METTL21A: variants seen among roughly 807,000 people sequenced by gnomAD.
The protein encoded by METTL21A is methyltransferase 21A, HSPA lysine.
METTL21A carries 22 observed loss-of-function variants against 20.9 expected under a neutral mutation model. The observed-to-expected ratio is 1.05, with a 90% CI of 0.75 to 1.50. The LOEUF is 1.50. METTL21A is among the 40% of genes most tolerant of loss of function. METTL21A has a pLI of 0.00. For missense variants in METTL21A, 271 were observed against 266.8 expected (o/e 1.02, Z -0.11); for synonymous variants, 93 against 102.0 (o/e 0.91, Z 0.53).
intron 1 of METTL21A, chr2:207,625,110 G>A (rs1404762650): frequency 6.6e-6 from 1 of 152,450 alleles, no homozygotes; most frequent in Non-Finnish European, 1.5e-5. Flanking sequence ...GGGCCCCGGA[G>A]CTGCGGCAAC....
intron 3 of METTL21A, chr2:207,599,392 G>A (rs893108340): frequency 2.4e-5 from 5 of 204,760 alleles, no homozygotes; most frequent in Admixed American, 2.4e-4. Flanking sequence ...ATTGCCTGAT[G>A]TTTAGCAGTT....
chr2:207,620,667 A>G (rs1468739418), intron 3 of METTL21A: 1 of 1,535,666 alleles, frequency 6.5e-7, no homozygotes, highest in Admixed American at 2.0e-5. Flanking sequence ...GCAGTGTACC[A>G]GCAAGGGCTT....
At chr2:207,589,400 T>G (rs572547284) in intron 3 of METTL21A, among the ~76,000 whole-genome samples, 10 of 152,190 alleles carry the variant, frequency 6.6e-5, no homozygotes, top group Non-Finnish European at 1.3e-4. Flanking sequence ...CTTTTAAGAA[T>G]GCTTGTGGTT....
chr2:207,605,732 A>AT (rs1352813603), downstream of METTL21A, among the ~76,000 whole-genome samples: 1 of 152,218 alleles, frequency 6.6e-6, no homozygotes, highest in Non-Finnish European at 1.5e-5. Flanking sequence ...TTCTGGGGAC[A>AT]TTTGGCTGTT....
intron 3 of METTL21A, chr2:207,603,186 G>A (rs912306467): frequency 2.3e-5 from 5 of 213,232 alleles, no homozygotes; most frequent in Admixed American, 5.9e-5. Flanking sequence ...AAATCTTTTT[G>A]TGCTTTATGT....
intron 3 of METTL21A, chr2:207,598,133 A>C (rs1024093561): frequency 5.5e-6 from 1 of 180,698 alleles, no homozygotes; most frequent in African/African-American, 2.4e-5. Context: ...TTCCATATTA[A>C]CAATTTAACA....
At chr2:207,619,010 G>A (rs1575144195) in intron 3 of METTL21A, among the ~76,000 whole-genome samples, 2 of 152,104 alleles carry the variant, frequency 1.3e-5, no homozygotes, top group East Asian at 3.9e-4. Flanking sequence ...TTCACCACTG[G>A]AAGGGCGCTA....
chr2:207,618,978 T>C (rs1423033153), intron 3 of METTL21A, among the ~76,000 whole-genome samples: 1 of 152,014 alleles, frequency 6.6e-6, no homozygotes, highest in East Asian at 1.9e-4. Context: ...GGCAAGTTAC[T>C]TACCCTCCAA....
At chr2:207,615,519 A>G (rs2089580929) in intron 3 of METTL21A, among the ~76,000 whole-genome samples, 2 of 152,014 alleles carry the variant, frequency 1.3e-5, no homozygotes, top group African/African-American at 4.8e-5. Flanking sequence ...AACATGGTGA[A>G]ACCCCGTCTC....
intron 3 of METTL21A, among the ~76,000 whole-genome samples, chr2:207,595,349 A>G (rs2085935850): frequency 6.6e-6 from 1 of 151,908 alleles, no homozygotes; most frequent in Admixed American, 6.6e-5. Flanking sequence ...ATCTCTGTTC[A>G]AGTCCCTATG....
chr2:207,593,474 G>A (rs1040817508), intron 3 of METTL21A, among the ~76,000 whole-genome samples: 1 of 152,188 alleles, frequency 6.6e-6, no homozygotes, highest in Admixed American at 6.5e-5. Context: ...AGGCTGCAGT[G>A]AGCCCTCATT....
At chr2:207,623,010 C>T (rs1162631766) in intron 2 of METTL21A, among the ~76,000 whole-genome samples, 3 of 151,864 alleles carry the variant, frequency 2.0e-5, no homozygotes, top group African/African-American at 2.4e-5. Flanking sequence ...CAGGTTCAAG[C>T]GATTCTCCTG....
At chr2:207,595,506 G>A (rs1163065110) in intron 3 of METTL21A, among the ~76,000 whole-genome samples, 2 of 150,920 alleles carry the variant, frequency 1.3e-5, no homozygotes, top group Non-Finnish European at 3.0e-5. Flanking sequence ...CTGCAGCCTC[G>A]ACCTCCCGGC....
At chr2:207,623,193 C>T (rs1036231363) in intron 2 of METTL21A, among the ~76,000 whole-genome samples, 1 of 152,166 alleles carries the variant, frequency 6.6e-6, no homozygotes, top group South Asian at 2.1e-4. Flanking sequence ...TGTGAGCCAC[C>T]ACACCAGGCC....
At chr2:207,623,712 G>C (rs943272947) in intron 2 of METTL21A, among the ~76,000 whole-genome samples, 3 of 152,158 alleles carry the variant, frequency 2.0e-5, no homozygotes, top group African/African-American at 7.2e-5. Flanking sequence ...AATTAACCAG[G>C]TGTGGTGGCG....
At chr2:207,594,376 C>T (rs945557825) in intron 3 of METTL21A, among the ~76,000 whole-genome samples, 1 of 152,088 alleles carries the variant, frequency 6.6e-6, no homozygotes, top group Non-Finnish European at 1.5e-5. Context: ...ACAACAACTC[C>T]CCATTTCCTC....
At chr2:207,590,242 C>G (rs982985350) in intron 3 of METTL21A, among the ~76,000 whole-genome samples, 1 of 151,680 alleles carries the variant, frequency 6.6e-6, no homozygotes, top group Non-Finnish European at 1.5e-5. Context: ...GTTTATTATT[C>G]TTTTACTGTA....
Position 207,620,375 on chromosome 2 carries a change from G to A in METTL21A, c.259+1431C>T, listed in dbSNP as rs2090344860. Among the ~76,000 whole-genome samples, 2 of 151,926 alleles carry A rather than the reference G, an allele frequency of 1.3e-5. 1 individual carries two copies. The highest frequency in any genetic ancestry group is 2.9e-5 in the Non-Finnish European group (2 of 68,006). On this transcript the variant is annotated intron_variant, in intron 3 of 3. Transcript: ENST00000406927. ...GGAGAATTGCTTGAACCCGGGAGGC[G>A]GAGGTTGCAGTGAGCCGAGATCATG... is the stretch of plus-strand genomic sequence containing the variant.
At chr2:207,582,197 T>C (rs542797350) in intron 3 of METTL21A, 4 of 702,924 alleles carry the variant, frequency 5.7e-6, no homozygotes, top group African/African-American at 5.2e-5. Flanking sequence ...TGTGGTCATA[T>C]GTTAAAACCA....
Sources: gnomAD v4.1 joint callset for allele counts (sites outside exome capture counted in the v4.1 genomes callset) on GRCh38, gnomAD v4.1.1 for gene constraint, MANE v1.5 for transcripts, NCBI Gene and HGNC (gene_info 2026-07-23, HGNC 2026-07-21) for gene names.